Variants in TANC2 observed in about 807,000 individuals in gnomAD.
TANC2 encodes protein TANC2.
Under a neutral mutation model 210.5 loss-of-function variants are expected in TANC2, and 26 were observed. The ratio of observed to expected loss-of-function variants is 0.12; its 90% CI spans 0.09 to 0.17. TANC2 has a LOEUF of 0.17. Ranked by LOEUF, TANC2 falls within the 10% of genes least tolerant of loss-of-function variation. The pLI is 1.00. For missense variants in TANC2, 2,129 were observed against 2,608.9 expected (o/e 0.82, Z 4.01); for synonymous variants, 931 against 967.1 (o/e 0.96, Z 0.69).
intron 5 of TANC2, among the ~76,000 whole-genome samples, chr17:63,169,672 G>A (rs1475170851): frequency 6.6e-6 from 1 of 152,008 alleles, no homozygotes; most frequent in African/African-American, 2.4e-5. Flanking sequence ...AAATTAGTTG[G>A]GTGTGGTGGC....
intron 11 of TANC2, among the ~76,000 whole-genome samples, chr17:63,323,626 A>G (rs2045562139): frequency 6.6e-6 from 1 of 152,210 alleles, no homozygotes; most frequent in African/African-American, 2.4e-5. Flanking sequence ...CCTTTATGGA[A>G]GGCTTAATGT....
At chr17:63,095,835 C>T (rs1285948555) in intron 3 of TANC2, among the ~76,000 whole-genome samples, 1 of 152,102 alleles carries the variant, frequency 6.6e-6, no homozygotes, top group Non-Finnish European at 1.5e-5. Flanking sequence ...TAAGTTCAGG[C>T]ACAATTTATA....
At chr17:63,063,574 G>A (rs637293) in intron 2 of TANC2, among the ~76,000 whole-genome samples, 2,537 of 52,132 alleles carry the variant, frequency 0.049, 83 homozygotes, top group African/African-American at 0.24. Context: ...GTGTGTGTGT[G>A]TAGATATATC....
chr17:63,091,177 A>G (rs1000031228), intron 3 of TANC2, among the ~76,000 whole-genome samples: 5 of 143,352 alleles, frequency 3.5e-5, no homozygotes, highest in African/African-American at 1.3e-4. Flanking sequence ...TCACTCTGAT[A>G]GTGGTTTCTT....
At chr17:63,213,081 T>C (rs1427340852) in intron 7 of TANC2, among the ~76,000 whole-genome samples, 1 of 152,228 alleles carries the variant, frequency 6.6e-6, no homozygotes, top group African/African-American at 2.4e-5. Flanking sequence ...TGTGATTATT[T>C]ATAAAGTCTA....
intron 15 of TANC2, among the ~76,000 whole-genome samples, chr17:63,383,765 A>C (rs1003456501): frequency 6.6e-6 from 1 of 152,214 alleles, no homozygotes; most frequent in Admixed American, 6.5e-5. Context: ...GACTATGTTT[A>C]GCTTGCAAGA....
intron 8 of TANC2, among the ~76,000 whole-genome samples, chr17:63,243,814 T>C (rs1189146924): frequency 6.6e-6 from 1 of 152,202 alleles, no homozygotes; most frequent in Non-Finnish European, 1.5e-5. Context: ...AAACTTTATT[T>C]CTCAACATAA....
intron 5 of TANC2, among the ~76,000 whole-genome samples, chr17:63,175,541 A>C (rs1450421805): frequency 2.6e-5 from 4 of 151,348 alleles, no homozygotes; most frequent in Admixed American, 6.6e-5. Flanking sequence ...GCCAAAAAAA[A>C]AAAAAAAAAA....
chr17:63,190,634 A>G (rs1409367678), intron 5 of TANC2, among the ~76,000 whole-genome samples: 1 of 152,174 alleles, frequency 6.6e-6, no homozygotes, highest in Admixed American at 6.5e-5. Flanking sequence ...AATTTTGATA[A>G]GGATTGCATT....
exon 28 of TANC2, chr17:63,423,852 G>A (rs1342425872): frequency 6.6e-6 from 1 of 152,256 alleles, no homozygotes; most frequent in African/African-American, 2.4e-5. Flanking sequence ...GCTAGACCAG[G>A]GTGGGCATCA....
At chr17:63,311,115 A>G (rs2429423) in intron 9 of TANC2, among the ~76,000 whole-genome samples, 46,199 of 152,122 alleles carry the variant, frequency 0.3, 7,223 homozygotes, top group African/African-American at 0.37. Context: ...AGTAATAACT[A>G]TCATCAGACT....
chr17:63,352,968 A>C (rs939748969), intron 13 of TANC2, among the ~76,000 whole-genome samples: 3 of 152,266 alleles, frequency 2.0e-5, no homozygotes, highest in African/African-American at 7.2e-5. Context: ...GGTAGTGTTG[A>C]GTGCTATGAA....
intron 9 of TANC2, among the ~76,000 whole-genome samples, chr17:63,300,299 G>T (rs1231973113): frequency 6.6e-6 from 1 of 152,152 alleles, no homozygotes; most frequent in Non-Finnish European, 1.5e-5. Flanking sequence ...TTTTAAAGTA[G>T]TTTTTACCAA....
rs535402484 is a variant in TANC2, at chr17:63,306,575, T to C, written c.1160-7813T>C. On this transcript the variant is annotated intron_variant, in intron 9 of 27. Coordinates refer to ENST00000689528, the Ensembl canonical transcript of TANC2. Reference sequence around the variant, plus strand: ...AAGAAAACAAAAGAATAAATATTGTTAGATTGTAATACGTGATAAGAACAT... The same window carrying C: ...AAGAAAACAAAAGAATAAATATTGTCAGATTGTAATACGTGATAAGAACAT... 3.3e-5 allele frequency among the ~76,000 whole-genome samples: 5 copies of C among 152,318 alleles called. No homozygotes were observed. In the South Asian group the frequency reaches 1.0e-3, roughly 32 times the overall value.
chr17:63,046,470 T>C (rs751582171), intron 2 of TANC2, among the ~76,000 whole-genome samples: 3 of 151,540 alleles, frequency 2.0e-5, no homozygotes, highest in Non-Finnish European at 4.4e-5. Flanking sequence ...TAGCTGAGAT[T>C]ACAGGCGCCC....
intron 8 of TANC2, among the ~76,000 whole-genome samples, chr17:63,264,482 G>GT (rs1048554993): frequency 1.3e-5 from 2 of 152,154 alleles, no homozygotes; most frequent in Admixed American, 6.5e-5. Context: ...CAAAATGCCA[G>GT]TATCACCAGA....
intron 4 of TANC2, among the ~76,000 whole-genome samples, chr17:63,123,211 C>T: frequency 6.6e-6 from 1 of 152,074 alleles, no homozygotes. Flanking sequence ...AGACAGATAG[C>T]TGATTTTAAG....
intron 11 of TANC2, among the ~76,000 whole-genome samples, chr17:63,322,239 C>A (rs1241250875): frequency 6.6e-6 from 1 of 152,148 alleles, no homozygotes; most frequent in Non-Finnish European, 1.5e-5. Context: ...GTTAGAATCC[C>A]TGTAATCCCA....
intron 2 of TANC2, among the ~76,000 whole-genome samples, chr17:63,071,625 G>A (rs556438484): frequency 6.6e-6 from 1 of 152,222 alleles, no homozygotes; most frequent in Non-Finnish European, 1.5e-5. Flanking sequence ...TGAATAGACA[G>A]AGACACCAAA....
Sources: allele counts gnomAD v4.1 joint callset (sites outside exome capture counted in the v4.1 genomes callset), GRCh38; gene constraint gnomAD v4.1.1; transcripts MANE v1.5; gene names NCBI Gene and HGNC (gene_info 2026-07-23, HGNC 2026-07-21).